Variants in ASXL2 observed in about 807,000 individuals in gnomAD.
ASXL2 encodes the protein ASXL transcriptional regulator 2.
A neutral mutation model predicts 122.0 loss-of-function variants in ASXL2; 23 were observed. The ratio of observed to expected loss-of-function variants is 0.19; its 90% CI spans 0.14 to 0.27. The LOEUF is 0.27. Ranked by LOEUF, ASXL2 falls within the 10% of genes least tolerant of loss-of-function variation. The pLI is 1.00. For missense variants in ASXL2, 1,518 were observed against 1,713.8 expected, an observed-to-expected ratio of 0.89 and a Z score of 2.02; for synonymous variants, 650 against 637.0, an observed-to-expected ratio of 1.02 and a Z score of -0.31.
chr2:25,836,541 T>C (rs1158898188), intron 2 of ASXL2, among the ~76,000 whole-genome samples: 5 of 152,200 alleles, frequency 3.3e-5, no homozygotes, highest in African/African-American at 9.6e-5. Flanking sequence ...CTAAAACATA[T>C]AACCTTAAAT....
intron 3 of ASXL2, among the ~76,000 whole-genome samples, chr2:25,818,831 G>A (rs1360622771): frequency 1.3e-5 from 2 of 152,204 alleles, no homozygotes; most frequent in African/African-American, 4.8e-5. Flanking sequence ...AGTAATCCCT[G>A]CTTTGTGTAC....
intron 8 of ASXL2, among the ~76,000 whole-genome samples, chr2:25,763,629 T>C (rs1325406324): frequency 6.6e-6 from 1 of 152,202 alleles, no homozygotes; most frequent in Non-Finnish European, 1.5e-5. Flanking sequence ...TGAGTAATAG[T>C]AGTGCAGTAA....
At position 25,816,225 on chromosome 2, in the gene ASXL2, G is replaced by A. The variant is rs549683585; in HGVS notation, c.144-9888C>T. Among the ~76,000 whole-genome samples the A allele has an allele frequency of 1.1e-4, 16 of 148,498 alleles. No individual in the cohort carries two copies. In the East Asian group the frequency reaches 2.5e-3, roughly 24 times the overall value. The stretch of plus-strand genomic sequence containing the variant: ...TGCACTCCAGCCTGTGCGACAAAGC[G>A]AGCCTCCATCTCAAAAAAAAAAAAA... On this transcript the variant is annotated intron_variant, in intron 3 of 12. Transcript: ENST00000435504.
rs375344139 is a variant in ASXL2 at position 25,822,694 on chromosome 2, G to C, written c.143+12844C>G. ...AAAACGGACAGATCAATTGTATGTT[G>C]TTTACGAAAAGGAGAATCTGGCCAG... On this transcript the variant is annotated intron_variant, in intron 3 of 12. Coordinates refer to ENST00000435504, the MANE Select transcript of ASXL2 (RefSeq NM_018263.6). 2.9e-4 allele frequency: 206 copies of C among 712,608 alleles called. 1 individual carries two copies. In the African/African-American group the frequency reaches 3.3e-3, roughly 11 times the overall value. The allele number at this position is 712,608 out of a possible 1,614,324, so 44.1% of individuals were successfully genotyped here.
chr2:25,781,959 CTTTTTTCTT>C lies in ASXL2; in HGVS notation c.404-10428_404-10420del, dbSNP rs1170095820. On this transcript the variant is annotated intron_variant, in intron 5 of 12. Transcript: ENST00000435504. Reference sequence around the variant, plus strand: ...TAACAGGCGTGAGCCACCGCCCGGGCTTTTTTCTTTTTTTTTTTTTTTTTTTGTAGAGAC... The same window carrying C: ...TAACAGGCGTGAGCCACCGCCCGGGCTTTTTTTTTTTTTTTTTGTAGAGAC... Among the ~76,000 whole-genome samples the C allele has an allele frequency of 1.4e-4, 12 of 88,400 alleles. 1 individual carries two copies. The highest frequency in any genetic ancestry group is 3.9e-4 in the South Asian group (1 of 2,534). The allele number at this position is 88,400 out of a possible 152,430, so 58.0% of individuals were successfully genotyped here. A position where few individuals can be genotyped will look rare whatever the true frequency, so the allele number is the denominator to read the frequency against.
chr2:25,790,210 T>C (rs2088809713), intron 5 of ASXL2, among the ~76,000 whole-genome samples: 1 of 151,464 alleles, frequency 6.6e-6, no homozygotes, highest in Non-Finnish European at 1.5e-5. Flanking sequence ...CATTGCTGGG[T>C]CATTCTGAGT....
rs1196517606 is a variant in ASXL2 at position 25,851,083 on chromosome 2, T to C, written c.58-5520A>G. Among the ~76,000 whole-genome samples the C allele has an allele frequency of 4.6e-5, 7 of 151,458 alleles. No homozygotes were observed. In the East Asian group the frequency reaches 9.7e-4, roughly 21 times the overall value. On this transcript the variant is annotated intron_variant, in intron 1 of 12. Coordinates refer to ENST00000435504, the MANE Select transcript of ASXL2 (RefSeq NM_018263.6). ...ATCACTTGAACCTGGGAGGCGAAAGTTGCAATGAGCCAACATTGTGCCACT... is the reference window on the plus strand; with the variant it reads ...ATCACTTGAACCTGGGAGGCGAAAGCTGCAATGAGCCAACATTGTGCCACT...
chr2:25,851,695 A>G (rs924567959), intron 1 of ASXL2, among the ~76,000 whole-genome samples: 2 of 152,232 alleles, frequency 1.3e-5, no homozygotes, highest in African/African-American at 4.8e-5. Flanking sequence ...AGTCATGACC[A>G]GCCTGGCCAA....
chr2:25,765,223 T>G (rs113306216), intron 8 of ASXL2, among the ~76,000 whole-genome samples: 2 of 152,100 alleles, frequency 1.3e-5, no homozygotes, highest in Non-Finnish European at 2.9e-5. Context: ...CGGTGGCTCA[T>G]GCCTGTAATC....
rs1361684552 is a variant in ASXL2, at chr2:25,802,760, G to A, written c.253-3225C>T. Among the ~76,000 whole-genome samples, 6 of 152,200 alleles carry A rather than the reference G, an allele frequency of 3.9e-5. 1 individual carries two copies. The South Asian group carries it at 1.0e-3, about 26-fold the overall frequency. ...ACTGAAGGTGGAGCTGATCACCAAC[G>A]GCCAATAATTTAATCAGTCATATGT... On this transcript the variant is annotated intron_variant, in intron 4 of 12. Coordinates refer to ENST00000435504, the MANE Select transcript of ASXL2 (RefSeq NM_018263.6).
Position 25,771,426 on chromosome 2 carries a change from C to T in ASXL2, c.504+14G>A, listed in dbSNP as rs780360744. 2 of 1,596,060 alleles carry T rather than the reference C, an allele frequency of 1.3e-6. No individual in the cohort carries two copies. Among genetic ancestry groups the T allele is most frequent in the Non-Finnish European group, 1.7e-6 (2 of 1,165,430 alleles). On this transcript the variant is annotated intron_variant, in intron 6 of 12. Transcript: ENST00000435504. ...GGAAATTCTACTTGATAAATACAGA[C>T]TAGCAATGCTTACCTGCTTTAGTGC... is the stretch of plus-strand genomic sequence containing the variant.
intron 5 of ASXL2, among the ~76,000 whole-genome samples, chr2:25,785,310 G>C (rs954237016): frequency 1.3e-5 from 2 of 151,424 alleles, no homozygotes; most frequent in Non-Finnish European, 2.9e-5. Context: ...ACTGCAACCT[G>C]CGCCTCCCAG....
At chr2:25,824,676 A>C (rs1416672327) in intron 3 of ASXL2, among the ~76,000 whole-genome samples, 1 of 152,218 alleles carries the variant, frequency 6.6e-6, no homozygotes, top group Non-Finnish European at 1.5e-5. Context: ...TACAAATAAC[A>C]GTATATTCAA....
rs1288937202 is a variant in ASXL2 at position 25,878,277 on chromosome 2, C to T, written c.-55G>A. The T allele has an allele frequency of 6.3e-7, 1 of 1,580,442 alleles. No individual in the cohort carries two copies. The highest frequency in any genetic ancestry group is 1.3e-5 in the African/African-American group (1 of 74,296). On this transcript the variant is annotated 5_prime_UTR_variant, in exon 1 of 13. Transcript: ENST00000435504. Reference sequence around the variant, plus strand: ...CGTGTCCGGGCTCCGGCCGCCCTCCCTGCCTGCTCTGCCCTGCGCTGCTTT... The same window carrying T: ...CGTGTCCGGGCTCCGGCCGCCCTCCTTGCCTGCTCTGCCCTGCGCTGCTTT...
At position 25,871,807 on chromosome 2, in the gene ASXL2, C is replaced by T. The variant is rs1160711818; in HGVS notation, c.57+6359G>A. Among the ~76,000 whole-genome samples the T allele has an allele frequency of 2.6e-5, 4 of 152,092 alleles. No individual in the cohort carries two copies. In the East Asian group the frequency reaches 7.7e-4, roughly 29 times the overall value. ...TGCAGGAGAACTTTAAATAATATGG[C>T]AAGAAGGAAAGATCAGTCAAGCAAA... On this transcript the variant is annotated intron_variant, in intron 1 of 12. Transcript: ENST00000435504.
intron 4 of ASXL2, among the ~76,000 whole-genome samples, chr2:25,804,824 T>C (rs1340751861): frequency 1.3e-5 from 2 of 151,894 alleles, no homozygotes; most frequent in Non-Finnish European, 2.9e-5. Context: ...CCGAGGAGGG[T>C]GGATTACCTG....
intron 12 of ASXL2, among the ~76,000 whole-genome samples, chr2:25,747,692 C>T (rs934228949): frequency 1.3e-5 from 2 of 152,054 alleles, no homozygotes; most frequent in Non-Finnish European, 2.9e-5. Flanking sequence ...AGTTACTCAG[C>T]TCTCAGGTCT....
chr2:25,746,365 A>C (rs1356097987), intron 12 of ASXL2, among the ~76,000 whole-genome samples: 2 of 152,194 alleles, frequency 1.3e-5, no homozygotes, highest in Non-Finnish European at 2.9e-5. Flanking sequence ...CTAAGAGCTA[A>C]ATCTATTTCA....
chr2:25,834,695 G>A (rs977578372), intron 3 of ASXL2, among the ~76,000 whole-genome samples: 2 of 152,166 alleles, frequency 1.3e-5, no homozygotes, highest in Admixed American at 6.5e-5. Context: ...CGTGTAACAC[G>A]GGAACTGCTA....
Sources: gnomAD v4.1 joint callset for allele counts (sites outside exome capture counted in the v4.1 genomes callset) on GRCh38, gnomAD v4.1.1 for gene constraint, MANE v1.5 for transcripts, NCBI Gene and HGNC (gene_info 2026-07-23, HGNC 2026-07-21) for gene names.